Variants in PVR observed in about 807,000 individuals in gnomAD.
PVR encodes the protein poliovirus receptor.
Under a neutral mutation model 43.3 loss-of-function variants are expected in PVR, and 39 were observed. That is an observed-to-expected ratio of 0.90 (90% confidence interval 0.70 to 1.18). PVR has a LOEUF of 1.18. PVR is among the 50% of genes most tolerant of loss of function. The pLI, the probability that PVR is intolerant of heterozygous loss-of-function variation, is 0.00. For synonymous variants in PVR, 224 were observed against 233.2 expected (o/e 0.96, Z 0.36); for missense variants, 480 against 549.7 (o/e 0.87, Z 1.27).
Position 44,662,123 on chromosome 19 carries a change from C to T in PVR, c.*312C>T, listed in dbSNP as rs1209043257. 3.0e-5 allele frequency: 10 copies of T among 336,484 alleles called. No homozygotes were observed. Among genetic ancestry groups the T allele is most frequent in the East Asian group, 1.9e-4 (4 of 20,524 alleles). The allele number at this position is 336,484 out of a possible 1,614,324, so 20.8% of individuals were successfully genotyped here. On this transcript the variant is annotated 3_prime_UTR_variant, in exon 8 of 8. Transcript: ENST00000425690. Reference sequence around the variant, plus strand: ...AGCACACGTTCCACGACAGATGAGGCGACGGCTTCCATCTGCCCTCTCCCA... The same window carrying T: ...AGCACACGTTCCACGACAGATGAGGTGACGGCTTCCATCTGCCCTCTCCCA...
At position 44,647,210 on chromosome 19, in the gene PVR, C is replaced by T. The variant is rs986927701; in HGVS notation, c.80-13C>T. The T allele has an allele frequency of 7.9e-6, 12 of 1,517,346 alleles. 1 individual carries two copies. The highest frequency in any genetic ancestry group is 4.1e-5 in the African/African-American group (3 of 72,448). 94.0% of individuals were successfully genotyped at this position (1,517,346 alleles called of 1,614,324 possible). On this transcript the variant is annotated splice_polypyrimidine_tract_variant and intron_variant, in intron 1 of 7. Coordinates refer to ENST00000425690, the MANE Select transcript of PVR (RefSeq NM_006505.5). ...CGCCCCGGGTCTGACACCTTCTCTT[C>T]GGTTCTCCGCAGGGGACGTCGTCGT... is the stretch of plus-strand genomic sequence containing the variant.
intron 7 of PVR, 72 bp from the exon 8 acceptor site, chr19:44,661,668 G>T: frequency 7.2e-7 from 1 of 1,382,112 alleles, no homozygotes; most frequent in East Asian, 2.3e-5. Context: ...TTTGCACATG[G>T]GGCTTCAGTG....
chr19:44,655,871 T>TTC, intron 4 of PVR, among the ~76,000 whole-genome samples: 1 of 146,336 alleles, frequency 6.8e-6, no homozygotes, highest in East Asian at 2.0e-4. Context: ...TGCTTTTTTT[T>TTC]TTTTTTTTTT....
intron 4 of PVR, among the ~76,000 whole-genome samples, chr19:44,657,242 T>C (rs1244554569): frequency 6.6e-6 from 1 of 152,116 alleles, no homozygotes; most frequent in African/African-American, 2.4e-5. Flanking sequence ...GAGGCCACTG[T>C]GGATGCAGAG....
At position 44,658,899 on chromosome 19, in the gene PVR, G is replaced by T; in HGVS notation, c.1149G>T (p.Ser383=). 4 of 1,613,570 alleles carry T rather than the reference G, an allele frequency of 2.5e-6. No individual in the cohort carries two copies. The highest frequency in any genetic ancestry group is 3.4e-6 in the Non-Finnish European group (4 of 1,179,736). ...EVLWHCHLCP[S]STEHASASAN... ...TTTGGCACTGTCATCTGTGTCCCTCGAGTGAGCATCACCAGAGCTGCCGTA... is the reference window on the plus strand; with the variant it reads ...TTTGGCACTGTCATCTGTGTCCCTCTAGTGAGCATCACCAGAGCTGCCGTA... The change falls in exon 6 of 8, where the codon TCG becomes TCT. Residue 383 remains serine, a splice_region_variant and synonymous_variant. Transcript: ENST00000425690.
intron 4 of PVR, among the ~76,000 whole-genome samples, chr19:44,654,636 A>T (rs1396926615): frequency 6.6e-6 from 1 of 152,230 alleles, no homozygotes; most frequent in Non-Finnish European, 1.5e-5. Context: ...CGGCCCTTGA[A>T]TCAGCGCTCG....
chr19:44,658,011 T>C (rs2123767646), intron 5 of PVR, 101 bp downstream of exon 5: 2 of 1,323,132 alleles, frequency 1.5e-6, no homozygotes, highest in East Asian at 5.0e-5. Flanking sequence ...TCCTAAGCCT[T>C]CTCACAAAAG....
rs116395038 is a variant in PVR at position 44,661,349 on chromosome 19, G to C, written c.1182+26G>C. On this transcript the variant is annotated intron_variant, in intron 7 of 7. Coordinates refer to ENST00000425690, the MANE Select transcript of PVR (RefSeq NM_006505.5). ...GTAAGTGCAGTGTTGGAGCTAAGGAGGGTGTGGGGTCTGCACGAACTACAG... is the reference window on the plus strand; with the variant it reads ...GTAAGTGCAGTGTTGGAGCTAAGGACGGTGTGGGGTCTGCACGAACTACAG... 3.7e-6 allele frequency: 6 copies of C among 1,612,406 alleles called. No individual in the cohort carries two copies. In the East Asian group the frequency reaches 1.3e-4, roughly 36 times the overall value.
chr19:44,658,702 A>C (rs201933056), intron 5 of PVR, 40 bp from the exon 6 acceptor site: 12 of 1,533,990 alleles, frequency 7.8e-6, no homozygotes, highest in Non-Finnish European at 1.1e-5. Flanking sequence ...ATAAACCCCA[A>C]GAGTTTCCTT....
At chr19:44,654,424 G>GGGCATCTCTGTTTT (rs1399880912) in intron 4 of PVR, among the ~76,000 whole-genome samples, 2 of 152,234 alleles carry the variant, frequency 1.3e-5, no homozygotes, top group Admixed American at 1.3e-4. Context: ...CCCCAGTGGG[G>GGGCATCTCTGTTTT]GGCATCTCTG....
chr19:44,645,310 A>G lies in PVR; in HGVS notation c.79+1135A>G, dbSNP rs1390806649. Among the ~76,000 whole-genome samples the G allele has an allele frequency of 8.4e-4, 99 of 117,974 alleles. 1 individual carries two copies. Among genetic ancestry groups the G allele is most frequent in the Admixed American group, 1.3e-3 (12 of 8,946 alleles). The allele number at this position is 117,974 out of a possible 152,430, so 77.4% of individuals were successfully genotyped here. A position where few individuals can be genotyped will look rare whatever the true frequency, so the allele number is the denominator to read the frequency against. On this transcript the variant is annotated intron_variant, in intron 1 of 7. Coordinates refer to ENST00000425690, the MANE Select transcript of PVR (RefSeq NM_006505.5). Reference sequence around the variant, plus strand: ...TTAATAAATATATATTAAATATATTATATATTTATAACATATATTATTTAT... The same window carrying G: ...TTAATAAATATATATTAAATATATTGTATATTTATAACATATATTATTTAT...
At position 44,650,035 on chromosome 19, in the gene PVR, T is replaced by C. The variant is rs1359247620; in HGVS notation, c.654T>C (p.Asn218=). The C allele has an allele frequency of 2.5e-6, 4 of 1,591,466 alleles. No homozygotes were observed. Among genetic ancestry groups the C allele is most frequent in the East Asian group, 2.2e-5 (1 of 44,664 alleles). Residue 218 remains asparagine, a synonymous_variant, in exon 3 of 8, where the codon AAT becomes AAC. Coordinates refer to ENST00000425690, the MANE Select transcript of PVR (RefSeq NM_006505.5). ...LVPSSQVDGK[N]VTCKVEHESF... ...CCTCAAGCCAGGTGGACGGCAAGAA[T>C]GTGACCTGCAAGGTGGAGCACGAGA...
At chr19:44,647,658 G>A (rs938266433) in intron 2 of PVR, 88 bp downstream of exon 2, 2 of 1,091,572 alleles carry the variant, frequency 1.8e-6, no homozygotes, top group Non-Finnish European at 2.6e-6. Context: ...GGAGGCCTGG[G>A]AGGGAGGGAG....
At chr19:44,660,925 T>C (rs1973575039) in intron 6 of PVR, among the ~76,000 whole-genome samples, 1 of 152,330 alleles carries the variant, frequency 6.6e-6, no homozygotes, top group East Asian at 1.9e-4. Flanking sequence ...ATAATACTAC[T>C]ATTTGCTAAA....
At position 44,644,019 on chromosome 19, in the gene PVR, A is replaced by G. The variant is rs1973000155; in HGVS notation, c.-78A>G. On this transcript the variant is annotated 5_prime_UTR_variant, in exon 1 of 8. Transcript: ENST00000425690. ...CCTGAGCTCCGGGAGCTGGACTCGC[A>G]GCGACCGCGGCAGAGCGAGCGGGCG... 2 of 1,278,190 alleles carry G rather than the reference A, an allele frequency of 1.6e-6. No individual in the cohort carries two copies. The highest frequency in any genetic ancestry group is 5.1e-5 in the Admixed American group (2 of 39,084). The allele number at this position is 1,278,190 out of a possible 1,614,324, so 79.2% of individuals were successfully genotyped here.
intron 5 of PVR, 134 bp downstream of exon 5, chr19:44,658,044 C>T: frequency 1.1e-6 from 1 of 880,938 alleles, no homozygotes; most frequent in East Asian, 2.7e-5. Context: ...CAGCTTTACT[C>T]CCCTGTTAAC....
chr19:44,645,415 G>GTATATATATATATATATATA (rs71171276), intron 1 of PVR, among the ~76,000 whole-genome samples: 14 of 83,816 alleles, frequency 1.7e-4, no homozygotes, highest in East Asian at 3.7e-4. Context: ...TATGTTTTGT[G>GTATATATATATATATATATA]TATATATATA....
chr19:44,646,062 G>C (rs958104009), intron 1 of PVR, among the ~76,000 whole-genome samples: 1 of 152,212 alleles, frequency 6.6e-6, no homozygotes, highest in Non-Finnish European at 1.5e-5. Flanking sequence ...GATGTTAACA[G>C]TAGTGCTTGC....
rs117224367 is a variant in PVR, at chr19:44,660,725, T to C, written c.1151-567T>C. On this transcript the variant is annotated intron_variant, in intron 6 of 7. Transcript: ENST00000425690. ...TTTTAGTAGAGATGGAGTTTCGTTG[T>C]GTTGCCCAAGCTGGTCTCAAACTCC... 7.0e-4 allele frequency among the ~76,000 whole-genome samples: 106 copies of C among 152,080 alleles called. 2 individuals carry two copies. The East Asian group carries it at 0.02, about 29-fold the overall frequency.
Sources: allele counts gnomAD v4.1 joint callset (sites outside exome capture counted in the v4.1 genomes callset), GRCh38; gene constraint gnomAD v4.1.1; transcripts MANE v1.5; gene names NCBI Gene and HGNC (gene_info 2026-07-23, HGNC 2026-07-21).